The following NAF1 variants were observed in gnomAD, a reference collection of about 807,000 sequenced individuals.
NAF1 encodes the protein H/ACA ribonucleoprotein complex non-core subunit NAF1.
A neutral mutation model predicts 40.6 loss-of-function variants in NAF1; 11 were observed. The ratio of observed to expected loss-of-function variants is 0.27; its 90% CI spans 0.17 to 0.45. The LOEUF (loss-of-function observed/expected upper bound fraction) is 0.45. Among genes scored for constraint, NAF1 ranks in the 20% least tolerant of loss-of-function variants. The pLI, the probability that NAF1 is intolerant of heterozygous loss-of-function variation, is 1.00. For missense variants in NAF1, 607 were observed against 611.1 expected (o/e 0.99, Z 0.07); for synonymous variants, 260 against 228.5 (o/e 1.14, Z -1.24).
intron 2 of NAF1, among the ~76,000 whole-genome samples, chr4:163,119,079 G>GA (rs1350192428): frequency 6.6e-6 from 1 of 152,210 alleles, no homozygotes; most frequent in Non-Finnish European, 1.5e-5. Context: ...AGGCCTATGA[G>GA]AATGGTCTCA....
chr4:163,133,583 A>G (rs1409262596), intron 6 of NAF1: 1 of 205,348 alleles, frequency 4.9e-6, no homozygotes, highest in Non-Finnish European at 9.9e-6. Flanking sequence ...AGCAAATTAT[A>G]TATATTATCA....
At chr4:163,121,994 C>T (rs952963512), downstream of NAF1, among the ~76,000 whole-genome samples, 11 of 152,074 alleles carry the variant, frequency 7.2e-5, no homozygotes, top group South Asian at 8.3e-4. Flanking sequence ...AGAACTAGTA[C>T]GAAGCATTGA....
At chr4:163,159,072 G>A (rs1732111992) in intron 2 of NAF1, among the ~76,000 whole-genome samples, 1 of 152,018 alleles carries the variant, frequency 6.6e-6, no homozygotes, top group Non-Finnish European at 1.5e-5. Context: ...AAACTACTGA[G>A]GAATGGGGGA....
intron 6 of NAF1, among the ~76,000 whole-genome samples, chr4:163,133,954 T>C (rs1730964733): frequency 6.6e-6 from 1 of 152,184 alleles, no homozygotes; most frequent in Admixed American, 6.5e-5. Context: ...ATTTTTGTAT[T>C]TTTAGTTTGA....
At chr4:163,132,333 T>C (rs1730904881) in intron 7 of NAF1, among the ~76,000 whole-genome samples, 1 of 152,184 alleles carries the variant, frequency 6.6e-6, no homozygotes, top group Admixed American at 6.5e-5. Context: ...CTTCAATGGA[T>C]GAATGGTTAG....
intron 2 of NAF1, chr4:163,157,522 T>C (rs554593970): frequency 6.6e-6 from 1 of 152,068 alleles, no homozygotes; most frequent in Admixed American, 6.5e-5. Context: ...ACAATTTAAA[T>C]GTCCAACTGC....
Position 163,136,924 on chromosome 4 carries a change from G to C in NAF1, c.930+275C>G, listed in dbSNP as rs138838605. On this transcript the variant is annotated intron_variant, in intron 6 of 7. Coordinates refer to ENST00000274054, the MANE Select transcript of NAF1 (RefSeq NM_138386.3). ...GACATCAACAAAGTTGACAAAAATA[G>C]TAAACTACAATGTAAATGATAAGGT... Among the ~76,000 whole-genome samples the C allele has an allele frequency of 3.4e-3, 510 of 152,188 alleles. 19 individuals carry two copies. The East Asian group carries it at 0.051, about 15-fold the overall frequency.
chr4:163,153,083 C>T (rs1330964789), intron 2 of NAF1, among the ~76,000 whole-genome samples: 3 of 152,218 alleles, frequency 2.0e-5, no homozygotes, highest in Admixed American at 1.3e-4. Context: ...TGCCTTCCTG[C>T]GGGGCAGGGC....
chr4:163,159,690 C>CAGGAGAATAGAA (rs1732141880), intron 2 of NAF1, among the ~76,000 whole-genome samples: 1 of 151,938 alleles, frequency 6.6e-6, no homozygotes, highest in Non-Finnish European at 1.5e-5. Flanking sequence ...TGTACTCAAC[C>CAGGAGAATAGAA]TAACTACCAA....
Position 163,164,476 on chromosome 4 carries a change from C to T in NAF1, c.366-85G>A, listed in dbSNP as rs535233648. 33 of 990,840 alleles carry T rather than the reference C, an allele frequency of 3.3e-5. No homozygotes were observed. In the East Asian group the frequency reaches 9.7e-4, roughly 29 times the overall value. The allele number at this position is 990,840 out of a possible 1,614,324, so 61.4% of individuals were successfully genotyped here. On this transcript the variant is annotated intron_variant, in intron 1 of 7. Coordinates refer to ENST00000274054, the MANE Select transcript of NAF1 (RefSeq NM_138386.3). ...AGATTATTCAATTAAGAAATATCAACTTTAATACAAGTTTACTATTGCTTA... is the reference window on the plus strand; with the variant it reads ...AGATTATTCAATTAAGAAATATCAATTTTAATACAAGTTTACTATTGCTTA...
chr4:163,118,778 A>C (rs1026240756), intron 2 of NAF1, among the ~76,000 whole-genome samples: 1 of 152,116 alleles, frequency 6.6e-6, no homozygotes, highest in African/African-American at 2.4e-5. Flanking sequence ...AAAGAAATAA[A>C]ACTTATTTTA....
chr4:163,120,611 G>C (rs535763716), intron 2 of NAF1, among the ~76,000 whole-genome samples: 3 of 152,242 alleles, frequency 2.0e-5, no homozygotes, highest in Admixed American at 1.3e-4. Flanking sequence ...GTAACAATTA[G>C]GCTTTCTGTA....
At chr4:163,164,954 T>C (rs1732390931) in intron 1 of NAF1, among the ~76,000 whole-genome samples, 2 of 152,212 alleles carry the variant, frequency 1.3e-5, no homozygotes, top group Admixed American at 1.3e-4. Flanking sequence ...AAATTTTGTT[T>C]GTTGGCTCCC....
intron 3 of NAF1, among the ~76,000 whole-genome samples, chr4:163,146,597 A>T (rs74749559): frequency 0.023 from 3,490 of 152,312 alleles, 133 homozygotes; most frequent in African/African-American, 0.064. Flanking sequence ...AATAAAATAT[A>T]TTACCTCAGA....
chr4:163,123,373 GCACAGTCTCAACC>G (rs1217040720), downstream of NAF1, among the ~76,000 whole-genome samples: 2 of 152,196 alleles, frequency 1.3e-5, no homozygotes, highest in African/African-American at 4.8e-5. Context: ...CCAAACTGTA[GCACAGTCTCAACC>G]CAGTTATTTC....
chr4:163,127,769 T>C (rs1054781762), downstream of NAF1, among the ~76,000 whole-genome samples: 1 of 152,204 alleles, frequency 6.6e-6, no homozygotes, highest in African/African-American at 2.4e-5. Flanking sequence ...AAGTGGGGCC[T>C]TAGTGCAACC....
downstream of NAF1, chr4:163,126,873 G>C (rs962625406): frequency 1.3e-4 from 181 of 1,426,882 alleles, 1 homozygote; most frequent in Admixed American, 4.1e-4. Context: ...CCTTCCAACA[G>C]CTAAAAGACT....
chr4:163,140,874 T>C (rs928548520), intron 4 of NAF1, among the ~76,000 whole-genome samples: 4 of 152,208 alleles, frequency 2.6e-5, no homozygotes, highest in African/African-American at 9.7e-5. Flanking sequence ...AATTACAGAC[T>C]TTTTCTAATT....
intron 2 of NAF1, among the ~76,000 whole-genome samples, chr4:163,153,962 C>A (rs914199923): frequency 6.6e-6 from 1 of 151,900 alleles, no homozygotes; most frequent in Non-Finnish European, 1.5e-5. Context: ...AGCGAGACCA[C>A]GAGCCCACTG....
Sources: allele counts gnomAD v4.1 joint callset (sites outside exome capture counted in the v4.1 genomes callset), GRCh38; gene constraint gnomAD v4.1.1; transcripts MANE v1.5; gene names NCBI Gene and HGNC (gene_info 2026-07-23, HGNC 2026-07-21).